PTCSC3: variants seen among roughly 807,000 people sequenced by gnomAD.
PTCSC3 encodes the protein papillary thyroid carcinoma susceptibility candidate 3.
Position 36,157,427 on chromosome 14 carries a change from G to T in PTCSC3, n.232-3533C>A, listed in dbSNP as rs945051715. ...AATTAGATCCCATTTGTCAATTTTG[G>T]CTTTTGTTGCCATTGCTTTTGGTGT... On this transcript the variant is annotated intron_variant and non_coding_transcript_variant, in intron 2 of 3. Coordinates refer to ENST00000556013, the Ensembl canonical transcript of PTCSC3. 2.6e-5 allele frequency among the ~76,000 whole-genome samples: 4 copies of T among 152,122 alleles called. 1 individual carries two copies. The South Asian group carries it at 8.3e-4, about 32-fold the overall frequency.
intron 2 of PTCSC3, among the ~76,000 whole-genome samples, chr14:36,156,078 AT>A (rs2139101634): frequency 6.6e-6 from 1 of 152,272 alleles, no homozygotes; most frequent in East Asian, 1.9e-4. Flanking sequence ...AAAATGTCAC[AT>A]TGTCCAAAAC....
At chr14:36,162,432 C>T (rs1173399449) in intron 2 of PTCSC3, among the ~76,000 whole-genome samples, 1 of 152,112 alleles carries the variant, frequency 6.6e-6, no homozygotes, top group Non-Finnish European at 1.5e-5. Flanking sequence ...GGTCAAAGTG[C>T]ACCCTTCCTC....
intron 3 of PTCSC3, among the ~76,000 whole-genome samples, chr14:36,139,252 G>A (rs190877807): frequency 3.3e-5 from 5 of 151,848 alleles, no homozygotes; most frequent in African/African-American, 9.7e-5. Flanking sequence ...TCCATGCAAT[G>A]TAATACTGAG....
chr14:36,141,274 C>A (rs1881414359), intron 3 of PTCSC3, among the ~76,000 whole-genome samples: 1 of 151,894 alleles, frequency 6.6e-6, no homozygotes, highest in Admixed American at 6.6e-5. Flanking sequence ...CACAAAACAG[C>A]TTGCTAGGAA....
chr14:36,140,533 G>A (rs114590706), intron 3 of PTCSC3, among the ~76,000 whole-genome samples: 2,844 of 152,200 alleles, frequency 0.019, 100 homozygotes, highest in Admixed American at 0.082. Flanking sequence ...TGTTTTAGTC[G>A]TTCTAATCCA....
At chr14:36,151,549 T>C (rs1280614926) in intron 3 of PTCSC3, among the ~76,000 whole-genome samples, 1 of 152,212 alleles carries the variant, frequency 6.6e-6, no homozygotes, top group Non-Finnish European at 1.5e-5. Flanking sequence ...TCTTGGATGT[T>C]CTGGCCTATT....
rs372422756 is a variant in PTCSC3 at position 36,147,425 on chromosome 14, G to A, written n.322+6379C>T. 5.1e-4 allele frequency among the ~76,000 whole-genome samples: 78 copies of A among 151,946 alleles called. No individual in the cohort carries two copies. In the South Asian group the frequency reaches 0.01, roughly 20 times the overall value. On this transcript the variant is annotated intron_variant and non_coding_transcript_variant, in intron 3 of 3. Coordinates refer to ENST00000556013, the Ensembl canonical transcript of PTCSC3. ...CATTTCATTCATTTCATCTTCCATT[G>A]CTGATACCCTTTCTTCCAGTTGATC... is the stretch of plus-strand genomic sequence containing the variant.
At chr14:36,169,680 C>G (rs1882158601) in intron 1 of PTCSC3, among the ~76,000 whole-genome samples, 1 of 152,076 alleles carries the variant, frequency 6.6e-6, no homozygotes, top group Non-Finnish European at 1.5e-5. Context: ...CCTCTTTGTC[C>G]TCCCAGTTTC....
At chr14:36,148,596 A>G (rs1175351999) in intron 3 of PTCSC3, among the ~76,000 whole-genome samples, 1 of 152,234 alleles carries the variant, frequency 6.6e-6, no homozygotes, top group Non-Finnish European at 1.5e-5. Context: ...CTGGTACCTC[A>G]GATGGAAATG....
downstream of PTCSC3, among the ~76,000 whole-genome samples, chr14:36,135,116 T>G (rs1566500117): frequency 2.0e-5 from 3 of 152,210 alleles, no homozygotes; most frequent in Admixed American, 6.5e-5. Flanking sequence ...ACTTGAGTAG[T>G]ACTTTTAATT....
intron 3 of PTCSC3, among the ~76,000 whole-genome samples, chr14:36,147,874 T>A (rs1881619114): frequency 1.3e-5 from 2 of 151,996 alleles, no homozygotes; most frequent in Non-Finnish European, 2.9e-5. Context: ...TAGTTTTCCT[T>A]CTAACAGACA....
At position 36,165,456 on chromosome 14, in the gene PTCSC3, C is replaced by G. The variant is rs113988828; in HGVS notation, n.172-2773G>C. ...GTCTGTTTCTCTATGAGATTATTTT[C>G]ACTTTGACCATTGCCCTCATTTATT... On this transcript the variant is annotated intron_variant and non_coding_transcript_variant, in intron 1 of 3. Coordinates refer to ENST00000556013, the Ensembl canonical transcript of PTCSC3. Among the ~76,000 whole-genome samples the G allele has an allele frequency of 2.3e-3, 357 of 152,016 alleles. 4 individuals are homozygous for G. Among genetic ancestry groups the G allele is most frequent in the African/African-American group, 8.1e-3 (335 of 41,428 alleles).
intron 3 of PTCSC3, among the ~76,000 whole-genome samples, chr14:36,138,979 T>G (rs994313760): frequency 3.3e-5 from 5 of 152,014 alleles, no homozygotes; most frequent in African/African-American, 1.2e-4. Context: ...CTGGGCGTGG[T>G]GGCAGGTGCC....
intron 3 of PTCSC3, among the ~76,000 whole-genome samples, chr14:36,138,678 T>C (rs1231620743): frequency 1.3e-5 from 2 of 152,138 alleles, no homozygotes; most frequent in Non-Finnish European, 2.9e-5. Flanking sequence ...CATAACCAAG[T>C]ATTGGTGAGA....
chr14:36,166,752 C>T (rs1050621154), intron 1 of PTCSC3, among the ~76,000 whole-genome samples: 3 of 152,110 alleles, frequency 2.0e-5, no homozygotes, highest in Non-Finnish European at 4.4e-5. Flanking sequence ...TAGTGAATAT[C>T]GTGAAACAAC....
At chr14:36,157,200 T>C (rs1310680848) in intron 2 of PTCSC3, among the ~76,000 whole-genome samples, 1 of 152,248 alleles carries the variant, frequency 6.6e-6, no homozygotes, top group Admixed American at 6.5e-5. Flanking sequence ...TTCGGCTGCA[T>C]AAATGTCTCC....
At chr14:36,147,288 T>C (rs1382369875) in intron 3 of PTCSC3, among the ~76,000 whole-genome samples, 3 of 152,220 alleles carry the variant, frequency 2.0e-5, no homozygotes, top group African/African-American at 7.2e-5. Context: ...TCCCCATCAC[T>C]TTCAGGTACA....
intron 1 of PTCSC3, among the ~76,000 whole-genome samples, chr14:36,163,552 A>G (rs1882019551): frequency 6.6e-6 from 1 of 152,222 alleles, no homozygotes; most frequent in South Asian, 2.1e-4. Flanking sequence ...TAAGTGGACT[A>G]ACTTCCAGAG....
chr14:36,143,157 C>A (rs564856861), intron 3 of PTCSC3, among the ~76,000 whole-genome samples: 3 of 149,378 alleles, frequency 2.0e-5, no homozygotes, highest in Non-Finnish European at 4.5e-5. Flanking sequence ...ATTTATAGTC[C>A]TTTGGGTATA....
Sources: allele counts gnomAD v4.1 joint callset (sites outside exome capture counted in the v4.1 genomes callset), GRCh38; gene constraint gnomAD v4.1.1; transcripts MANE v1.5; gene names NCBI Gene and HGNC (gene_info 2026-07-23, HGNC 2026-07-21).